Variants in SYT4 observed in about 807,000 individuals in gnomAD.
The protein encoded by SYT4 is synaptotagmin-4.
SYT4 carries 7 observed loss-of-function variants against 32.9 expected under a neutral mutation model. That is an observed-to-expected ratio of 0.21 (90% confidence interval 0.12 to 0.40). The LOEUF (loss-of-function observed/expected upper bound fraction) is 0.40. Ranked by LOEUF, SYT4 falls within the 10% of genes least tolerant of loss-of-function variation. The pLI, the probability that SYT4 is intolerant of heterozygous loss-of-function variation, is 1.00. For missense variants in SYT4, 480 were observed against 488.0 expected (o/e 0.98, Z 0.16); for synonymous variants, 205 against 186.2 (o/e 1.10, Z -0.82).
rs1337216387 is a variant in SYT4, at chr18:43,268,705, T to C, written c.*1636A>G. ...GAATGAAGACAATGATTGGGAAATATGCTTTTTTAATCCCAAAGTCATTTT... is the reference window on the plus strand; with the variant it reads ...GAATGAAGACAATGATTGGGAAATACGCTTTTTTAATCCCAAAGTCATTTT... On this transcript the variant is annotated 3_prime_UTR_variant, in exon 4 of 4. Transcript: ENST00000255224. The C allele has an allele frequency of 6.6e-6, 1 of 152,636 alleles. No individual in the cohort carries two copies. Among genetic ancestry groups the C allele is most frequent in the Non-Finnish European group, 1.5e-5 (1 of 68,042 alleles). The allele number at this position is 152,636 out of a possible 1,614,324, so 9.5% of individuals were successfully genotyped here.
rs1326176313 is a variant in SYT4 at position 43,274,282 on chromosome 18, A to T, written c.147T>A (p.Pro49=). The part of the protein sequence containing the change: ...QRKSSKSNKT[P]PYKFVHVLKG... ...TAAGCACATGCACAAACTTGTATGG[A>T]GGAGTCTTGTTAGACTTGGATGATT... Residue 49 remains proline, a synonymous_variant, in exon 2 of 4, where the codon CCT becomes CCA. Transcript: ENST00000255224. 6 of 1,613,832 alleles carry T rather than the reference A, an allele frequency of 3.7e-6. No individual in the cohort carries two copies. Among genetic ancestry groups the T allele is most frequent in the Non-Finnish European group, 5.1e-6 (6 of 1,179,926 alleles).
chr18:43,271,517 C>T (rs531039782), intron 3 of SYT4, among the ~76,000 whole-genome samples, 195 bp downstream of exon 3: 2 of 152,174 alleles, frequency 1.3e-5, no homozygotes, highest in East Asian at 3.9e-4. Flanking sequence ...TTTTGTTTCT[C>T]ATTGTGCTAT....
At chr18:43,273,163 TC>T (rs1278771489) in intron 2 of SYT4, among the ~76,000 whole-genome samples, 3 of 152,022 alleles carry the variant, frequency 2.0e-5, no homozygotes, top group African/African-American at 7.3e-5. Context: ...TTCCAAATCT[TC>T]AGGAAGAATT....
intron 2 of SYT4, among the ~76,000 whole-genome samples, chr18:43,273,239 G>T (rs1371735708): frequency 6.6e-6 from 1 of 151,884 alleles, no homozygotes; most frequent in Non-Finnish European, 1.5e-5. Flanking sequence ...TTGTTAACTT[G>T]CTTATGAATA....
Position 43,269,302 on chromosome 18 carries a change from T to C in SYT4, c.*1039A>G, listed in dbSNP as rs1345839012. ...ATTTTGTAGTCTTACATTTGTTTGT[T>C]GGTTAAGTAACACTTTTTATCTGGC... On this transcript the variant is annotated 3_prime_UTR_variant, in exon 4 of 4. Transcript: ENST00000255224. 6.6e-6 allele frequency: 1 copy of C among 152,236 alleles called. No homozygotes were observed. The highest frequency in any genetic ancestry group is 1.5e-5 in the Non-Finnish European group (1 of 68,042). The allele number at this position is 152,236 out of a possible 1,614,324, so 9.4% of individuals were successfully genotyped here. A position where few individuals can be genotyped will look rare whatever the true frequency, so the allele number is the denominator to read the frequency against.
Position 43,273,928 on chromosome 18 carries a change from T to C in SYT4, c.501A>G (p.Arg167=), listed in dbSNP as rs1376366454. Residue 167 remains arginine (R), a synonymous_variant, in exon 2 of 4, where the codon AGA becomes AGG. Coordinates refer to ENST00000255224, the MANE Select transcript of SYT4 (RefSeq NM_020783.4). ...LFFSLEYNFE[R]KAFVVNIKEA... ...CCTTGATATTGACCACAAATGCTTT[T>C]CTCTCGAAGTTGTATTCTAAGGAGA... 5 of 1,614,026 alleles carry C rather than the reference T, an allele frequency of 3.1e-6. No homozygotes were observed. The highest frequency in any genetic ancestry group is 4.2e-6 in the Non-Finnish European group (5 of 1,179,944).
Position 43,271,805 on chromosome 18 carries a change from T to G in SYT4, c.877A>C (p.Ile293Leu). The part of the protein sequence containing the change: ...RKSSGRGELL[I>L]SLCYQSTTNT... ...GTGGTGGACTGATAGCAGAGAGAGA[T>G]CAGTAACTCACCCCGTCCTGAAGAC... The change falls in exon 3 of 4, where the codon ATC (isoleucine) becomes CTC (leucine). Residue 293 changes from isoleucine (I) to leucine (L), a missense_variant. Transcript: ENST00000255224. 2 of 1,613,048 alleles carry G rather than the reference T, an allele frequency of 1.2e-6. No individual in the cohort carries two copies. Among genetic ancestry groups the G allele is most frequent in the Middle Eastern group, 1.7e-4 (1 of 6,046 alleles).
intron 3 of SYT4, among the ~76,000 whole-genome samples, chr18:43,270,966 C>T (rs548418928): frequency 1.3e-5 from 2 of 152,146 alleles, no homozygotes; most frequent in South Asian, 2.1e-4. Context: ...TATTAACTTA[C>T]TCCAGAGAAT....
intron 1 of SYT4, 54 bp from the exon 2 acceptor site, chr18:43,274,448 G>C (rs1908731275): frequency 7.0e-7 from 1 of 1,425,672 alleles, no homozygotes; most frequent in South Asian, 1.4e-5. Flanking sequence ...CTGGAGATAT[G>C]AGCCTTTTGA....
At position 43,274,175 on chromosome 18, in the gene SYT4, G is replaced by A; in HGVS notation, c.254C>T (p.Pro85Leu). 1.2e-6 allele frequency: 2 copies of A among 1,613,948 alleles called. No individual in the cohort carries two copies. Among genetic ancestry groups the A allele is most frequent in the Non-Finnish European group, 1.7e-6 (2 of 1,179,926 alleles). Residue 85 changes from proline (P) to leucine (L), a missense_variant, in exon 2 of 4, where the codon CCA (proline) becomes CTA (leucine). Pro to Leu is a moderately conservative substitution (Grantham distance 98). Coordinates refer to ENST00000255224, the MANE Select transcript of SYT4 (RefSeq NM_020783.4). ...ADDKNEVKNK[P>L]AVPKNSLHLD... Reference sequence around the variant, plus strand: ...ATGCAATGAATTCTTTGGCACAGCTGGCTTATTCTTTACTTCATTTTTATC... The same window carrying A: ...ATGCAATGAATTCTTTGGCACAGCTAGCTTATTCTTTACTTCATTTTTATC...
chr18:43,274,235 T>C lies in SYT4; in HGVS notation c.194A>G (p.Glu65Gly). 1 of 1,614,006 alleles carries C rather than the reference T, an allele frequency of 6.2e-7. No homozygotes were observed. The highest frequency in any genetic ancestry group is 8.5e-7 in the Non-Finnish European group (1 of 1,179,938). Residue 65 changes from glutamate (E) to glycine (G), a missense_variant, in exon 2 of 4, where the codon GAA becomes GGA. By Grantham distance (98) the Glu-to-Gly change is moderately conservative. Coordinates refer to ENST00000255224, the MANE Select transcript of SYT4 (RefSeq NM_020783.4). The part of the protein sequence containing the change: ...HVLKGVDIYP[E>G]NLNSKKKFGA... ...AAACTTCTTTTTGCTATTTAGGTTT[T>C]CAGGGTAAATATCAACTCCCTTAAG...
At chr18:43,274,451 C>A (rs977056352) in intron 1 of SYT4, 57 bp from the exon 2 acceptor site, 4 of 1,411,550 alleles carry the variant, frequency 2.8e-6, no homozygotes, top group African/African-American at 1.4e-5. Flanking sequence ...GAGATATGAG[C>A]CTTTTGAAAA....
intron 2 of SYT4, 80 bp downstream of exon 2, chr18:43,273,500 T>C (rs1908693101): frequency 1.1e-6 from 1 of 910,710 alleles, no homozygotes; most frequent in African/African-American, 1.7e-5. Flanking sequence ...AAGCTTATCA[T>C]ATTAATAAAA....
rs1908519136 is a variant in SYT4 at position 43,268,365 on chromosome 18, C to T, written c.*1976G>A. On this transcript the variant is annotated 3_prime_UTR_variant, in exon 4 of 4. Transcript: ENST00000255224. ...AGCTAAAAACTATTTACAAATTATC[C>T]ATTTTAATTTTAAAAATGTTTGTTG... 6.6e-6 allele frequency: 1 copy of T among 151,468 alleles called. No individual in the cohort carries two copies. Among genetic ancestry groups the T allele is most frequent in the African/African-American group, 2.4e-5 (1 of 41,200 alleles). 9.4% of individuals were successfully genotyped at this position (151,468 alleles called of 1,614,324 possible).
At chr18:43,274,654 C>G (rs1908738108) in intron 1 of SYT4, among the ~76,000 whole-genome samples, 1 of 152,054 alleles carries the variant, frequency 6.6e-6, no homozygotes, top group South Asian at 2.1e-4. Flanking sequence ...TGAAAATGGT[C>G]CTGAATCAGA....
rs140070459 is a variant in SYT4, at chr18:43,274,192, A to G, written c.237T>C (p.Asn79=). 3.3e-4 allele frequency: 540 copies of G among 1,613,814 alleles called. No individual in the cohort carries two copies. The highest frequency in any genetic ancestry group is 4.3e-4 in the Non-Finnish European group (511 of 1,179,946). ...SKKKFGADDK[N]EVKNKPAVPK... is the part of the protein sequence containing the mutation. ...GCACAGCTGGCTTATTCTTTACTTC[A>G]TTTTTATCATCTGCTCCAAACTTCT... Residue 79 remains asparagine (N), a synonymous_variant, in exon 2 of 4, where the codon AAT becomes AAC. Coordinates refer to ENST00000255224, the MANE Select transcript of SYT4 (RefSeq NM_020783.4).
Position 43,270,345 on chromosome 18 carries a change from C to A in SYT4, c.1274G>T (p.Gly425Val). 1.2e-6 allele frequency: 2 copies of A among 1,613,608 alleles called. No homozygotes were observed. Among genetic ancestry groups the A allele is most frequent in the Non-Finnish European group, 1.7e-6 (2 of 1,179,606 alleles). ...QIAKWHVLCD[G>V] ...TTCCAACTCACGGCTAGGATGCTAA[C>A]CATCACAGAGCACGTGCCACTTGGC... The change falls in exon 4 of 4, where the codon GGT (glycine) becomes GTT (valine). Residue 425 changes from glycine to valine, a missense_variant. Gly to Val is a moderately radical substitution (Grantham distance 109). Coordinates refer to ENST00000255224, the MANE Select transcript of SYT4 (RefSeq NM_020783.4).
intron 2 of SYT4, among the ~76,000 whole-genome samples, chr18:43,273,080 G>C (rs1158363522): frequency 1.3e-5 from 2 of 151,836 alleles, no homozygotes; most frequent in Non-Finnish European, 2.9e-5. Context: ...ACAATTTAGA[G>C]ATGAGCATTT....
intron 2 of SYT4, 66 bp downstream of exon 2, chr18:43,273,514 C>A: frequency 8.8e-7 from 1 of 1,129,972 alleles, no homozygotes; most frequent in Non-Finnish European, 1.2e-6. Flanking sequence ...AATAAAAATT[C>A]CTTAGACACC....
Sources: gnomAD v4.1 joint callset for allele counts (sites outside exome capture counted in the v4.1 genomes callset) on GRCh38, gnomAD v4.1.1 for gene constraint, MANE v1.5 for transcripts, NCBI Gene and HGNC (gene_info 2026-07-23, HGNC 2026-07-21) for gene names.